EGFR: variants seen among roughly 807,000 people sequenced by gnomAD.
The protein encoded by EGFR is avian erythroblastic leukemia viral (v-erb-b) oncogene homolog.
Under a neutral mutation model 143.0 loss-of-function variants are expected in EGFR, and 58 were observed. The observed-to-expected ratio is 0.41, with a 90% CI of 0.33 to 0.50. The LOEUF is 0.50. EGFR is among the 20% of genes least tolerant of loss of function. The probability of loss-of-function intolerance (pLI) is 0.39; values close to 1 mark genes in which losing one functional copy is unlikely to be tolerated. For synonymous variants in EGFR, 613 were observed against 594.4 expected, an observed-to-expected ratio of 1.03 and a Z score of -0.45; for missense variants, 1,307 against 1,579.0, an observed-to-expected ratio of 0.83 and a Z score of 2.92.
chr7:55,128,728 T>A (rs960684377), intron 1 of EGFR, among the ~76,000 whole-genome samples: 18 of 152,184 alleles, frequency 1.2e-4, no homozygotes, highest in Admixed American at 1.2e-3. Context: ...TTCTACAAGA[T>A]TCTATATCTG....
chr7:55,052,527 G>T (rs1003376883), intron 1 of EGFR, among the ~76,000 whole-genome samples: 1 of 152,196 alleles, frequency 6.6e-6, no homozygotes, highest in Non-Finnish European at 1.5e-5. Flanking sequence ...GTGAGCCCCT[G>T]CCCGTGCTGG....
chr7:55,198,605 A>G, intron 22 of EGFR, 112 bp from the exon 23 acceptor site: 2 of 1,536,946 alleles, frequency 1.3e-6, no homozygotes, highest in Non-Finnish European at 1.8e-6. Context: ...GACTACAGAA[A>G]TGTAGGTTTC....
chr7:55,097,741 G>T (rs1008281670), intron 1 of EGFR, among the ~76,000 whole-genome samples: 3 of 152,072 alleles, frequency 2.0e-5, no homozygotes, highest in African/African-American at 7.2e-5. Flanking sequence ...TTGCCATGGA[G>T]CATGTTGTGC....
In EGFR at chr7:55,163,910, G is replaced by A. The variant is rs1785835097; in HGVS notation, c.1722+87G>A. 5.5e-6 allele frequency: 8 copies of A among 1,450,084 alleles called. No homozygotes were observed. The Admixed American group carries it at 8.4e-5, about 15-fold the overall frequency. 89.8% of individuals were successfully genotyped at this position (1,450,084 alleles called of 1,614,324 possible). ...CAGTGATGATGGCCCAGGGCATCCT[G>A]TGTGGGCAGGACGGCCATCAGAGCC... On this transcript the variant is annotated intron_variant, in intron 14 of 27. Transcript: ENST00000275493.
chr7:55,146,327 T>C (rs1375438125), intron 3 of EGFR, among the ~76,000 whole-genome samples: 1 of 152,132 alleles, frequency 6.6e-6, no homozygotes, highest in Non-Finnish European at 1.5e-5. Flanking sequence ...ATTTATGCTG[T>C]GACCACTGAC....
intron 22 of EGFR, among the ~76,000 whole-genome samples, 186 bp from the exon 23 acceptor site, chr7:55,198,531 C>G (rs1205755833): frequency 6.6e-6 from 1 of 152,224 alleles, no homozygotes; most frequent in Non-Finnish European, 1.5e-5. Context: ...GAAACAGATA[C>G]TGCTATTACC....
intron 1 of EGFR, among the ~76,000 whole-genome samples, chr7:55,036,279 G>A (rs557182818): frequency 2.3e-5 from 2 of 88,372 alleles, no homozygotes; most frequent in Non-Finnish European, 4.7e-5. Flanking sequence ...TGTGGGGGGG[G>A]GGGGGTGGGT....
intron 1 of EGFR, among the ~76,000 whole-genome samples, chr7:55,129,863 A>T (rs1793735003): frequency 6.6e-6 from 1 of 152,246 alleles, no homozygotes; most frequent in African/African-American, 2.4e-5. Flanking sequence ...GCTCCTCATC[A>T]CATACTTCCT....
intron 1 of EGFR, among the ~76,000 whole-genome samples, chr7:55,106,118 G>A: frequency 6.6e-6 from 1 of 152,208 alleles, no homozygotes; most frequent in East Asian, 1.9e-4. Context: ...GGCTGAATGT[G>A]GGATGACATC....
rs539995759 is a variant in EGFR at position 55,207,307 on chromosome 7, A to G, written c.*1690A>G. The G allele has an allele frequency of 4.3e-6, 1 of 232,310 alleles. No individual in the cohort carries two copies. Among genetic ancestry groups the G allele is most frequent in the South Asian group, 1.8e-4 (1 of 5,522 alleles). 14.4% of individuals were successfully genotyped at this position (232,310 alleles called of 1,614,324 possible). A position where few individuals can be genotyped will look rare whatever the true frequency, so the allele number is the denominator to read the frequency against. ...AAGAAAGTATTTGATTTTTGTCTCA[A>G]TGAAAATAAAACTATATTCATTTCC... On this transcript the variant is annotated 3_prime_UTR_variant, in exon 28 of 28. Coordinates refer to ENST00000275493, the MANE Select transcript of EGFR (RefSeq NM_005228.5).
At chr7:55,042,478 A>G (rs1415413543) in intron 1 of EGFR, among the ~76,000 whole-genome samples, 1 of 152,166 alleles carries the variant, frequency 6.6e-6, no homozygotes, top group Non-Finnish European at 1.5e-5. Flanking sequence ...TCTGTGACCC[A>G]CATCCTTTGT....
chr7:55,106,356 T>C (rs1792132837), intron 1 of EGFR, among the ~76,000 whole-genome samples: 1 of 152,270 alleles, frequency 6.6e-6, no homozygotes, highest in Non-Finnish European at 1.5e-5. Flanking sequence ...AATATTGTCA[T>C]CATCCTCCCT....
At chr7:55,197,551 T>C (rs891834337) in intron 22 of EGFR, among the ~76,000 whole-genome samples, 3 of 152,224 alleles carry the variant, frequency 2.0e-5, no homozygotes, top group African/African-American at 7.2e-5. Flanking sequence ...CTATGTTAAA[T>C]AGGAGTGTTG....
intron 1 of EGFR, among the ~76,000 whole-genome samples, chr7:55,031,648 G>T (rs1787253840): frequency 6.6e-6 from 1 of 152,102 alleles, no homozygotes; most frequent in South Asian, 2.1e-4. Flanking sequence ...GATTCTTTGG[G>T]CAATGGCTAC....
In EGFR at chr7:55,125,681, C is replaced by T. The variant is rs531649500; in HGVS notation, c.89-16605C>T. Reference sequence around the variant, plus strand: ...AAATCCAGCGTACCAGCTTTCCCCACGGAGACGTCTTGCAGCGTCACAGCC... The same window carrying T: ...AAATCCAGCGTACCAGCTTTCCCCATGGAGACGTCTTGCAGCGTCACAGCC... On this transcript the variant is annotated intron_variant, in intron 1 of 27. Coordinates refer to ENST00000275493, the MANE Select transcript of EGFR (RefSeq NM_005228.5). Among the ~76,000 whole-genome samples the T allele has an allele frequency of 2.0e-4, 31 of 151,920 alleles. 1 individual carries two copies. The highest frequency in any genetic ancestry group is 4.1e-4 in the South Asian group (2 of 4,830).
intron 1 of EGFR, among the ~76,000 whole-genome samples, chr7:55,084,073 G>A (rs771964694): frequency 5.3e-5 from 8 of 152,212 alleles, no homozygotes; most frequent in Non-Finnish European, 1.0e-4. Context: ...ATGAAAGATA[G>A]AGATTGGCTT....
chr7:55,201,929 C>A, intron 26 of EGFR, 147 bp downstream of exon 26: 1 of 934,212 alleles, frequency 1.1e-6, no homozygotes, highest in Non-Finnish European at 1.7e-6. Context: ...GGCTGTCACG[C>A]CTCACAGTGC....
At chr7:55,024,578 C>T (rs924769899) in intron 1 of EGFR, among the ~76,000 whole-genome samples, 1 of 152,214 alleles carries the variant, frequency 6.6e-6, no homozygotes, top group Non-Finnish European at 1.5e-5. Context: ...ATTACTAGCG[C>T]GGCAGCACAC....
intron 1 of EGFR, among the ~76,000 whole-genome samples, chr7:55,049,844 G>C (rs1236267134): frequency 6.6e-6 from 1 of 152,162 alleles, no homozygotes; most frequent in South Asian, 2.1e-4. Context: ...CCCTGATCTA[G>C]ACTCTAGCCT....
Sources: gnomAD v4.1 joint callset for allele counts (sites outside exome capture counted in the v4.1 genomes callset) on GRCh38, gnomAD v4.1.1 for gene constraint, MANE v1.5 for transcripts, NCBI Gene and HGNC (gene_info 2026-07-23, HGNC 2026-07-21) for gene names.